The following CEP128 variants were observed in gnomAD, a reference collection of about 807,000 sequenced individuals.
CEP128 encodes the protein centrosomal protein 128kDa.
A neutral mutation model predicts 156.7 loss-of-function variants in CEP128; 132 were observed. The ratio of observed to expected loss-of-function variants is 0.84; its 90% confidence interval spans 0.73 to 0.97. The LOEUF (loss-of-function observed/expected upper bound fraction) is 0.97, where lower values mean the gene tolerates loss of function less well. Among genes scored for constraint, CEP128 ranks in the 50% least tolerant of loss-of-function variants. CEP128 has a pLI of 0.00. For synonymous variants in CEP128, 469 were observed against 448.9 expected (o/e 1.04, Z -0.57); for missense variants, 1,252 against 1,281.9 (o/e 0.98, Z 0.36).
At chr14:80,629,110 C>G (rs1893856246) in intron 19 of CEP128, among the ~76,000 whole-genome samples, 1 of 149,530 alleles carries the variant, frequency 6.7e-6, no homozygotes. Flanking sequence ...CAGGCCAATA[C>G]AATAGTTTCT....
chr14:80,897,585 A>G (rs1216449745), intron 7 of CEP128, among the ~76,000 whole-genome samples: 3 of 151,276 alleles, frequency 2.0e-5, no homozygotes, highest in African/African-American at 4.8e-5. Context: ...CCATCTACCT[A>G]GTTATTCAAA....
intron 2 of CEP128, among the ~76,000 whole-genome samples, 181 bp downstream of exon 2, chr14:80,939,204 T>C (rs1886009935): frequency 6.6e-6 from 1 of 152,210 alleles, no homozygotes; most frequent in Non-Finnish European, 1.5e-5. Flanking sequence ...TCTCAACTTA[T>C]CTACTTTGTT....
intron 13 of CEP128, among the ~76,000 whole-genome samples, chr14:80,823,604 T>TG (rs1425778599): frequency 1.5e-5 from 2 of 132,096 alleles, no homozygotes; most frequent in Non-Finnish European, 1.8e-5. Context: ...CAGTTTGGCT[T>TG]GGGAAAAAAA....
chr14:80,852,068 T>C lies in CEP128; in HGVS notation c.762+10689A>G, dbSNP rs541246680. On this transcript the variant is annotated intron_variant, in intron 9 of 24. Transcript: ENST00000555265. Reference sequence around the variant, plus strand: ...AACAACAAAATTCACAAATGACCTATTAAATTTATATATGTGTGTGTGTAT... The same window carrying C: ...AACAACAAAATTCACAAATGACCTACTAAATTTATATATGTGTGTGTGTAT... Among the ~76,000 whole-genome samples, 3 of 152,140 alleles carry C rather than the reference T, an allele frequency of 2.0e-5. No individual in the cohort carries two copies. The East Asian group carries it at 5.8e-4, about 29-fold the overall frequency.
chr14:80,822,703 T>C (rs1885255176), intron 13 of CEP128: 1 of 845,652 alleles, frequency 1.2e-6, no homozygotes, highest in Non-Finnish European at 2.0e-6. Flanking sequence ...AGGGAAAAGC[T>C]GATGCTGGCA....
At chr14:80,671,067 G>T (rs1044351134) in intron 19 of CEP128, among the ~76,000 whole-genome samples, 2 of 152,120 alleles carry the variant, frequency 1.3e-5, no homozygotes, top group African/African-American at 4.8e-5. Context: ...GTCATCAGGG[G>T]AATGAGTACA....
intron 19 of CEP128, among the ~76,000 whole-genome samples, chr14:80,734,157 A>G (rs1242127629): frequency 6.6e-6 from 1 of 152,160 alleles, no homozygotes; most frequent in Non-Finnish European, 1.5e-5. Context: ...TAGATCCTCC[A>G]TATACTCTTA....
chr14:80,729,699 C>G lies in CEP128; in HGVS notation c.2806+13376G>C, dbSNP rs186598113. On this transcript the variant is annotated intron_variant, in intron 19 of 24. Coordinates refer to ENST00000555265, the MANE Select transcript of CEP128 (RefSeq NM_152446.5). ...TCACATCCGTGCCAACATCTATTTT[C>G]TTTTTGATTTTTTAATTATGGCCAT... Among the ~76,000 whole-genome samples, 5 of 152,180 alleles carry G rather than the reference C, an allele frequency of 3.3e-5. No homozygotes were observed. The East Asian group carries it at 7.7e-4, about 23-fold the overall frequency.
At chr14:80,880,901 TAA>T (rs1566689617) in intron 8 of CEP128, among the ~76,000 whole-genome samples, 2,208 of 139,068 alleles carry the variant, frequency 0.016, 29 homozygotes, top group Non-Finnish European at 0.023. Flanking sequence ...ATAATAATAA[TAA>T]TAATAATTTC....
intron 13 of CEP128, among the ~76,000 whole-genome samples, chr14:80,825,581 CTAAT>C (rs1885428928): frequency 6.6e-6 from 1 of 152,160 alleles, no homozygotes; most frequent in African/African-American, 2.4e-5. Flanking sequence ...TAAATACAAA[CTAAT>C]TAGTAATTAG....
chr14:80,761,605 A>C lies in CEP128; in HGVS notation c.2385T>G (p.His795Gln). Residue 795 changes from histidine to glutamine, a missense_variant, in exon 17 of 25, where the codon CAT (histidine) becomes CAG (glutamine). Transcript: ENST00000555265. The stretch of plus-strand genomic sequence containing the variant: ...TTAAGTGCTCCTCTTCAATGCTTAT[A>C]TGTTTTTCCTAAGGCATTGAAAGAA... ...LKDQLEEREKHISIEEEHLRR... is the reference protein window; with the variant it reads ...LKDQLEEREKQISIEEEHLRR... 1 of 1,590,342 alleles carries C rather than the reference A, an allele frequency of 6.3e-7. No homozygotes were observed. The highest frequency in any genetic ancestry group is 8.6e-7 in the Non-Finnish European group (1 of 1,166,796).
chr14:80,583,162 G>A (rs557466858), intron 19 of CEP128, among the ~76,000 whole-genome samples: 63 of 152,162 alleles, frequency 4.1e-4, no homozygotes, highest in Non-Finnish European at 7.2e-4. Context: ...AAATACATAC[G>A]GGTCATACTA....
chr14:80,908,469 CTATT>C (rs772129274), intron 4 of CEP128, among the ~76,000 whole-genome samples: 3 of 143,110 alleles, frequency 2.1e-5, no homozygotes, highest in African/African-American at 6.1e-5. Flanking sequence ...GTTGTTCACT[CTATT>C]CATTCAAGGT....
At chr14:80,602,341 G>C (rs763350964) in intron 19 of CEP128, among the ~76,000 whole-genome samples, 4 of 152,124 alleles carry the variant, frequency 2.6e-5, no homozygotes, top group Non-Finnish European at 2.9e-5. Flanking sequence ...GAGAAGGCCT[G>C]AACAACAGTC....
At position 80,756,873 on chromosome 14, in the gene CEP128, G is replaced by A; in HGVS notation, c.2613+19C>T. The A allele has an allele frequency of 6.7e-7, 1 of 1,487,704 alleles. No individual in the cohort carries two copies. The highest frequency in any genetic ancestry group is 9.4e-7 in the Non-Finnish European group (1 of 1,069,380). The allele number at this position is 1,487,704 out of a possible 1,614,324, so 92.2% of individuals were successfully genotyped here. On this transcript the variant is annotated intron_variant, in intron 18 of 24. Transcript: ENST00000555265. ...GATCATAAATATTACAATAACTTTAGGATTTAAAGATTAATTACCTTGCTT... is the reference window on the plus strand; with the variant it reads ...GATCATAAATATTACAATAACTTTAAGATTTAAAGATTAATTACCTTGCTT...
chr14:80,869,560 C>T (rs999866971), intron 8 of CEP128, among the ~76,000 whole-genome samples: 1 of 151,886 alleles, frequency 6.6e-6, no homozygotes, highest in African/African-American at 2.4e-5. Flanking sequence ...TTAAACTAAA[C>T]TAAGCCACTG....
rs1243724659 is a variant in CEP128, at chr14:80,792,988, G to C, written c.1332C>G (p.Ile444Met). 1 of 1,614,166 alleles carries C rather than the reference G, an allele frequency of 6.2e-7. No homozygotes were observed. The highest frequency in any genetic ancestry group is 2.2e-5 in the East Asian group (1 of 44,878). The change falls in exon 14 of 25, where the codon ATC becomes ATG. Residue 444 changes from isoleucine to methionine, a missense_variant. Transcript: ENST00000555265. ...EAERKHADLQ[I>M]SELTRHAEDA... is the part of the protein sequence containing the mutation. ...CCTCCGCATGGCGAGTCAGCTCTGA[G>C]ATCTGAAGGTCAGCATGCTTACGCT...
chr14:80,671,392 G>A (rs1566846651), intron 19 of CEP128, among the ~76,000 whole-genome samples: 1 of 152,120 alleles, frequency 6.6e-6, no homozygotes, highest in African/African-American at 2.4e-5. Context: ...GACAATTTAT[G>A]TTCTCTGACA....
chr14:80,861,855 G>T (rs1887528728), intron 9 of CEP128, among the ~76,000 whole-genome samples: 1 of 152,074 alleles, frequency 6.6e-6, no homozygotes, highest in Admixed American at 6.5e-5. Flanking sequence ...GATGAAAAAT[G>T]ATTTATTTTT....
Sources: gnomAD v4.1 joint callset for allele counts (sites outside exome capture counted in the v4.1 genomes callset) on GRCh38, gnomAD v4.1.1 for gene constraint, MANE v1.5 for transcripts, NCBI Gene and HGNC (gene_info 2026-07-23, HGNC 2026-07-21) for gene names.